Variants in ARID4B observed in about 807,000 individuals in gnomAD.
The protein encoded by ARID4B is AT-rich interactive domain-containing protein 4B.
Under a neutral mutation model 147.5 loss-of-function variants are expected in ARID4B, and 26 were observed. The ratio of observed to expected loss-of-function variants is 0.18; its 90% CI spans 0.13 to 0.24. ARID4B has a LOEUF of 0.24. ARID4B is among the 10% of genes least tolerant of loss of function. ARID4B has a pLI of 1.00. For synonymous variants in ARID4B, 512 were observed against 507.9 expected (o/e 1.01, Z -0.11); for missense variants, 1,179 against 1,511.5 (o/e 0.78, Z 3.65).
chr1:235,202,202 AAAG>A (rs1665989383), intron 17 of ARID4B, among the ~76,000 whole-genome samples: 1 of 152,012 alleles, frequency 6.6e-6, no homozygotes, highest in African/African-American at 2.4e-5. Flanking sequence ...TTCCATTTAA[AAAG>A]AAATACTGAA....
intron 1 of ARID4B, 94 bp from the exon 2 acceptor site, chr1:235,327,062 C>T: frequency 1.2e-6 from 1 of 851,952 alleles, no homozygotes; most frequent in South Asian, 1.5e-5. Flanking sequence ...GTCCGAACCC[C>T]GAAGAAAGAG....
At chr1:235,223,353 T>A (rs1394689772) in intron 12 of ARID4B, 93 bp from the exon 13 acceptor site, 10 of 256,850 alleles carry the variant, frequency 3.9e-5, no homozygotes, top group Non-Finnish European at 5.9e-5. Context: ...TTATAGTATT[T>A]TATATATATA....
chr1:235,270,401 G>T (rs1198684884), intron 2 of ARID4B, among the ~76,000 whole-genome samples: 1 of 152,000 alleles, frequency 6.6e-6, no homozygotes, highest in East Asian at 1.9e-4. Flanking sequence ...GTTTATTTTT[G>T]GTTTTTTACA....
intron 23 of ARID4B, among the ~76,000 whole-genome samples, chr1:235,169,656 C>T (rs1202296085): frequency 6.6e-6 from 1 of 151,544 alleles, no homozygotes; most frequent in Non-Finnish European, 1.5e-5. Context: ...CTGCCTCAGC[C>T]TCCTTTTTTT....
intron 17 of ARID4B, among the ~76,000 whole-genome samples, chr1:235,204,661 A>C (rs894866886): frequency 6.6e-6 from 1 of 152,240 alleles, no homozygotes; most frequent in East Asian, 1.9e-4. Context: ...AGACAACTGC[A>C]AATGGTTAAC....
chr1:235,304,017 T>A lies in ARID4B; in HGVS notation c.6+22897A>T, dbSNP rs540585150. Among the ~76,000 whole-genome samples, 6 of 152,190 alleles carry A rather than the reference T, an allele frequency of 3.9e-5. No individual in the cohort carries two copies. The South Asian group carries it at 1.2e-3, about 32-fold the overall frequency. On this transcript the variant is annotated intron_variant, in intron 2 of 23. Transcript: ENST00000264183. ...ATAACAAAGCAAGCAATGAAGTAAA[T>A]GTTATTAGCCACATTTCTCATATAC...
intron 2 of ARID4B, among the ~76,000 whole-genome samples, chr1:235,291,032 G>A (rs1672303129): frequency 6.6e-6 from 1 of 152,170 alleles, no homozygotes; most frequent in Admixed American, 6.5e-5. Flanking sequence ...CCAGGAGTTT[G>A]AGGTTAACAC....
At chr1:235,212,019 A>T (rs1483283318) in intron 17 of ARID4B, among the ~76,000 whole-genome samples, 1 of 152,140 alleles carries the variant, frequency 6.6e-6, no homozygotes, top group East Asian at 1.9e-4. Flanking sequence ...GCACTTTGGG[A>T]GGCCAAGGCA....
chr1:235,268,224 A>C (rs1020764203), intron 2 of ARID4B, among the ~76,000 whole-genome samples: 1 of 152,182 alleles, frequency 6.6e-6, no homozygotes, highest in Admixed American at 6.5e-5. Flanking sequence ...AATACACTGA[A>C]TATAGTGGGG....
rs1353167678 is a variant in ARID4B, at chr1:235,229,395, G to A, written c.743-10C>T. 6.4e-7 allele frequency: 1 copy of A among 1,568,914 alleles called. No homozygotes were observed. Among genetic ancestry groups the A allele is most frequent in the African/African-American group, 1.4e-5 (1 of 73,968 alleles). ...AGTGCCTGTTCAAAGGCTGGAAACAGACCACAAGGTACATGAACTGAAGAA... is the reference window on the plus strand; with the variant it reads ...AGTGCCTGTTCAAAGGCTGGAAACAAACCACAAGGTACATGAACTGAAGAA... On this transcript the variant is annotated splice_polypyrimidine_tract_variant and intron_variant, in intron 10 of 23. Coordinates refer to ENST00000264183, the MANE Select transcript of ARID4B (RefSeq NM_016374.6).
chr1:235,239,120 C>T (rs1263290508), intron 8 of ARID4B, among the ~76,000 whole-genome samples: 1 of 151,966 alleles, frequency 6.6e-6, no homozygotes, highest in South Asian at 2.1e-4. Flanking sequence ...CAGGCATGTG[C>T]CACCACAGCC....
intron 6 of ARID4B, among the ~76,000 whole-genome samples, chr1:235,247,666 C>T (rs1303200555): frequency 6.6e-6 from 1 of 152,118 alleles, no homozygotes; most frequent in African/African-American, 2.4e-5. Flanking sequence ...CTAACCCTGT[C>T]CTAATGAACC....
At chr1:235,174,832 G>T (rs1179107725) in intron 22 of ARID4B, among the ~76,000 whole-genome samples, 1 of 151,400 alleles carries the variant, frequency 6.6e-6, no homozygotes, top group African/African-American at 2.4e-5. Context: ...AAGGCCAGGC[G>T]CAGTGGCTCA....
At chr1:235,258,516 T>C (rs540031522) in intron 3 of ARID4B, among the ~76,000 whole-genome samples, 2 of 152,260 alleles carry the variant, frequency 1.3e-5, no homozygotes, top group South Asian at 4.1e-4. Context: ...GTTAAAATAA[T>C]GAGTTCAAAT....
intron 2 of ARID4B, chr1:235,326,654 C>T: frequency 4.0e-6 from 2 of 496,708 alleles, no homozygotes; most frequent in Non-Finnish European, 7.3e-6. Context: ...TAATTCATGC[C>T]GTTATTCCTC....
intron 2 of ARID4B, among the ~76,000 whole-genome samples, chr1:235,322,771 A>G (rs1449520732): frequency 6.6e-6 from 1 of 152,120 alleles, no homozygotes; most frequent in Admixed American, 6.6e-5. Context: ...TTGTTGTTAA[A>G]TGAATGACTT....
intron 12 of ARID4B, 135 bp from the exon 13 acceptor site, chr1:235,223,395 A>ATG (rs1192400226): frequency 1.1e-5 from 2 of 189,382 alleles, no homozygotes; most frequent in East Asian, 9.9e-5. Flanking sequence ...ACGTATATAT[A>ATG]TGTGTGTGTA....
intron 2 of ARID4B, among the ~76,000 whole-genome samples, chr1:235,279,943 G>C (rs939427301): frequency 7.9e-5 from 12 of 152,136 alleles, no homozygotes; most frequent in Non-Finnish European, 1.6e-4. Flanking sequence ...ATTTGCACCT[G>C]GTTTCCTCCA....
intron 19 of ARID4B, among the ~76,000 whole-genome samples, chr1:235,184,689 A>G (rs1664554570): frequency 6.6e-6 from 1 of 152,226 alleles, no homozygotes; most frequent in African/African-American, 2.4e-5. Context: ...CATATACATC[A>G]TTAAAAACAA....
Sources: gnomAD v4.1 joint callset for allele counts (sites outside exome capture counted in the v4.1 genomes callset) on GRCh38, gnomAD v4.1.1 for gene constraint, MANE v1.5 for transcripts, NCBI Gene and HGNC (gene_info 2026-07-23, HGNC 2026-07-21) for gene names.